Variants in IQCK observed in about 807,000 individuals in gnomAD.
IQCK encodes IQ motif containing K.
A neutral mutation model predicts 28.1 loss-of-function variants in IQCK; 29 were observed. That is an observed-to-expected ratio of 1.03 (90% confidence interval 0.77 to 1.41). IQCK has a LOEUF of 1.41. IQCK is among the 40% of genes most tolerant of loss of function. The pLI is 0.00. For synonymous variants in IQCK, 113 were observed against 115.1 expected, an observed-to-expected ratio of 0.98 and a Z score of 0.12; for missense variants, 359 against 314.7, an observed-to-expected ratio of 1.14 and a Z score of -1.07.
chr16:19,836,862 G>T (rs1025486196), intron 9 of IQCK, among the ~76,000 whole-genome samples: 1 of 152,050 alleles, frequency 6.6e-6, no homozygotes, highest in Non-Finnish European at 1.5e-5. Context: ...CCCCTAGACG[G>T]CTCATGACCA....
chr16:19,827,174 G>A (rs1191438664), exon 8 of IQCK: 1 of 1,406,234 alleles, frequency 7.1e-7, no homozygotes, highest in African/African-American at 1.4e-5. Context: ...GTTCATTCAA[G>A]AAAAGCCTGA....
At chr16:19,724,798 C>G (rs934475372) in intron 1 of IQCK, among the ~76,000 whole-genome samples, 3 of 152,124 alleles carry the variant, frequency 2.0e-5, no homozygotes, top group African/African-American at 7.2e-5. Flanking sequence ...TCCCAAAGTG[C>G]TGGGATTACA....
chr16:19,747,573 C>T (rs1368633965), intron 4 of IQCK, among the ~76,000 whole-genome samples: 1 of 151,640 alleles, frequency 6.6e-6, no homozygotes, highest in African/African-American at 2.4e-5. Context: ...AAAGTCAGAG[C>T]TTTAGGGTAT....
At chr16:19,849,954 T>A (rs996362267) in intron 9 of IQCK, among the ~76,000 whole-genome samples, 2 of 152,162 alleles carry the variant, frequency 1.3e-5, no homozygotes, top group African/African-American at 4.8e-5. Flanking sequence ...ATTTCAAATT[T>A]GCATAATGGA....
chr16:19,858,160 T>G (rs149157560), exon 10 of IQCK: 229 of 230,380 alleles, frequency 9.9e-4, no homozygotes, highest in African/African-American at 4.9e-3. Flanking sequence ...GGCAAAGATG[T>G]CTCTTGATAC....
Position 19,801,383 on chromosome 16 carries a change from C to T in IQCK, c.690+12461C>T, listed in dbSNP as rs189421146. ...GCAGTGGCGCAGTCACAGCTCACTG[C>T]AGCCTCCGCCTGCTGGGCTCAAGTG... On this transcript the variant is annotated intron_variant, in intron 7 of 7. Transcript: ENST00000564186. Among the ~76,000 whole-genome samples the T allele has an allele frequency of 1.4e-3, 166 of 116,480 alleles. 2 individuals are homozygous for T. Among genetic ancestry groups the T allele is most frequent in the Non-Finnish European group, 2.1e-3 (131 of 63,162 alleles). 76.4% of individuals were successfully genotyped at this position (116,480 alleles called of 152,430 possible). A position where few individuals can be genotyped will look rare whatever the true frequency, so the allele number is the denominator to read the frequency against.
chr16:19,847,373 C>T (rs769794435), intron 9 of IQCK, among the ~76,000 whole-genome samples: 1 of 152,146 alleles, frequency 6.6e-6, no homozygotes, highest in Non-Finnish European at 1.5e-5. Context: ...TGGGGTACAC[C>T]GGTCACAGTG....
intron 2 of IQCK, among the ~76,000 whole-genome samples, chr16:19,731,985 C>T (rs1315752689): frequency 6.6e-6 from 1 of 152,214 alleles, no homozygotes; most frequent in Non-Finnish European, 1.5e-5. Context: ...CTGGTGAGAG[C>T]CCTGGAGTCT....
chr16:19,750,262 G>A (rs2054968164), intron 4 of IQCK, among the ~76,000 whole-genome samples: 1 of 151,772 alleles, frequency 6.6e-6, no homozygotes. Flanking sequence ...AAGTAGCTAG[G>A]ACTACAGGCG....
chr16:19,849,249 A>G (rs2056450422), intron 9 of IQCK, among the ~76,000 whole-genome samples: 3 of 145,648 alleles, frequency 2.1e-5, no homozygotes, highest in African/African-American at 5.1e-5. Context: ...CAATCATTAC[A>G]TCTATGTTCA....
At chr16:19,842,200 A>T (rs2056369940) in intron 9 of IQCK, among the ~76,000 whole-genome samples, 1 of 152,192 alleles carries the variant, frequency 6.6e-6, no homozygotes, top group Non-Finnish European at 1.5e-5. Context: ...GAGTGGTGAA[A>T]TCAATTAATG....
chr16:19,739,814 C>CAAAA lies in IQCK; in HGVS notation c.474+4372_474+4375dup, dbSNP rs34132517. Among the ~76,000 whole-genome samples the CAAAA allele has an allele frequency of 2.1e-5, 3 of 144,306 alleles. No individual in the cohort carries two copies. The East Asian group carries it at 6.0e-4, about 29-fold the overall frequency. 94.7% of individuals were successfully genotyped at this position (144,306 alleles called of 152,430 possible). ...TGGTTGACAGAGTGAGACCCTGTCT[C>CAAAA]AAAAAAAAAAAGAGGAGCCCTCTCA... On this transcript the variant is annotated intron_variant, in intron 4 of 7. Coordinates refer to ENST00000564186, the Ensembl canonical transcript of IQCK.
Position 19,744,316 on chromosome 16 carries a change from A to C in IQCK, c.474+8866A>C, listed in dbSNP as rs1008905982. 2.0e-5 allele frequency among the ~76,000 whole-genome samples: 3 copies of C among 152,238 alleles called. No individual in the cohort carries two copies. In the East Asian group the frequency reaches 5.8e-4, roughly 29 times the overall value. On this transcript the variant is annotated intron_variant, in intron 4 of 7. Coordinates refer to ENST00000564186, the Ensembl canonical transcript of IQCK. ...AAATTATTTTCATTTTTATTTTTAG[A>C]GATGGGGTCTCACTGTGTTGCCCAG...
At chr16:19,742,518 C>T (rs2054852286) in intron 4 of IQCK, among the ~76,000 whole-genome samples, 1 of 152,198 alleles carries the variant, frequency 6.6e-6, no homozygotes, top group African/African-American at 2.4e-5. Context: ...CACATCCTGT[C>T]ATTGGGAATA....
exon 10 of IQCK, chr16:19,856,551 A>G (rs901860358): frequency 4.3e-6 from 7 of 1,613,288 alleles, no homozygotes; most frequent in East Asian, 2.2e-5. Flanking sequence ...CATCTTAACC[A>G]TAGCTAAGAC....
rs143187078 is a variant in IQCK at position 19,803,752 on chromosome 16, A to G, written c.690+14830A>G. Among the ~76,000 whole-genome samples the G allele has an allele frequency of 1.8e-4, 27 of 152,314 alleles. No individual in the cohort carries two copies. The East Asian group carries it at 5.2e-3, about 29-fold the overall frequency. ...ACTACGGACTTGAACTCATGAGTTCAAACGATTCTCCCAGTTCAGCCTCCC... is the reference window on the plus strand; with the variant it reads ...ACTACGGACTTGAACTCATGAGTTCGAACGATTCTCCCAGTTCAGCCTCCC... On this transcript the variant is annotated intron_variant, in intron 7 of 7. Transcript: ENST00000564186.
intron 6 of IQCK, among the ~76,000 whole-genome samples, chr16:19,778,127 CCA>C (rs2151724163): frequency 6.6e-6 from 1 of 152,222 alleles, no homozygotes; most frequent in Admixed American, 6.5e-5. Context: ...AATCTTAGTT[CCA>C]CCATTTAGTA....
chr16:19,751,597 G>A (rs1394616253), intron 4 of IQCK, among the ~76,000 whole-genome samples: 1 of 152,176 alleles, frequency 6.6e-6, no homozygotes, highest in African/African-American at 2.4e-5. Flanking sequence ...ATGAGAGAAA[G>A]AATAAATTCT....
At position 19,745,590 on chromosome 16, in the gene IQCK, A is replaced by C. The variant is rs148409903; in HGVS notation, c.474+10140A>C. ...AGCATTGTATAGTGTGCTTCTTGCTATCCTGAAATGAAATGCTTAGATGAT... is the reference window on the plus strand; with the variant it reads ...AGCATTGTATAGTGTGCTTCTTGCTCTCCTGAAATGAAATGCTTAGATGAT... On this transcript the variant is annotated intron_variant, in intron 4 of 7. Transcript: ENST00000564186. Among the ~76,000 whole-genome samples, 543 of 152,328 alleles carry C rather than the reference A, an allele frequency of 3.6e-3. 5 individuals are homozygous for C. The highest frequency in any genetic ancestry group is 0.013 in the African/African-American group (531 of 41,578).
Sources: gnomAD v4.1 joint callset for allele counts (sites outside exome capture counted in the v4.1 genomes callset) on GRCh38, gnomAD v4.1.1 for gene constraint, MANE v1.5 for transcripts, NCBI Gene and HGNC (gene_info 2026-07-23, HGNC 2026-07-21) for gene names.